KHDRBS2: variants seen among roughly 807,000 people sequenced by gnomAD.
The protein encoded by KHDRBS2 is KH RNA binding domain containing, signal transduction associated 2.
Under a neutral mutation model 44.3 loss-of-function variants are expected in KHDRBS2, and 26 were observed. The ratio of observed to expected loss-of-function variants is 0.59; its 90% CI spans 0.43 to 0.81. The LOEUF (loss-of-function observed/expected upper bound fraction) is 0.81, where lower values mean the gene tolerates loss of function less well. Ranked by LOEUF, KHDRBS2 falls within the 40% of genes least tolerant of loss-of-function variation. The pLI is 0.00. For missense variants in KHDRBS2, 476 were observed against 433.1 expected (o/e 1.10, Z -0.88); for synonymous variants, 194 against 151.1 (o/e 1.28, Z -2.08).
intron 2 of KHDRBS2, among the ~76,000 whole-genome samples, chr6:62,167,347 G>T (rs937667310): frequency 1.3e-5 from 2 of 151,876 alleles, no homozygotes; most frequent in Non-Finnish European, 2.9e-5. Flanking sequence ...ACTCAATGTG[G>T]GATGAAAACA....
intron 2 of KHDRBS2, among the ~76,000 whole-genome samples, chr6:62,076,553 G>A (rs756648171): frequency 6.6e-6 from 1 of 151,996 alleles, no homozygotes; most frequent in Non-Finnish European, 1.5e-5. Context: ...TCACTGTGAA[G>A]CCTTTTTGTC....
Position 61,836,713 on chromosome 6 carries a change from T to C in KHDRBS2, c.810+57922A>G, listed in dbSNP as rs115050148. Among the ~76,000 whole-genome samples the C allele has an allele frequency of 4.5e-3, 684 of 152,142 alleles. 4 individuals are homozygous for C. Among genetic ancestry groups the C allele is most frequent in the South Asian group, 5.4e-3 (26 of 4,830 alleles). On this transcript the variant is annotated intron_variant, in intron 6 of 8. Transcript: ENST00000281156. ...TGAAGTGTCAATTGGCTAAAAGTAATAACACCATGGCTGTACTTAGTGTTA... is the reference window on the plus strand; with the variant it reads ...TGAAGTGTCAATTGGCTAAAAGTAACAACACCATGGCTGTACTTAGTGTTA...
intron 2 of KHDRBS2, among the ~76,000 whole-genome samples, chr6:62,169,321 C>T (rs1273491513): frequency 6.6e-6 from 1 of 151,468 alleles, no homozygotes; most frequent in African/African-American, 2.4e-5. Context: ...CCTCCAGAGT[C>T]TTTTACATGA....
the KHDRBS2 span, chr6:61,574,350 G>C: frequency 6.5e-7 from 1 of 1,527,568 alleles, no homozygotes; most frequent in South Asian, 1.2e-5. Flanking sequence ...GGTTTCAGCT[G>C]TCTCTTACTT....
intron 2 of KHDRBS2, among the ~76,000 whole-genome samples, chr6:62,148,057 T>C (rs1814319025): frequency 6.6e-6 from 1 of 152,038 alleles, no homozygotes; most frequent in Non-Finnish European, 1.5e-5. Context: ...GAGATATTTT[T>C]ACGTTAACAT....
At chr6:61,733,238 G>T (rs1484771290) in intron 6 of KHDRBS2, among the ~76,000 whole-genome samples, 1 of 151,894 alleles carries the variant, frequency 6.6e-6, no homozygotes, top group Non-Finnish European at 1.5e-5. Context: ...AGTCATTACT[G>T]ATTAAATAAA....
intron 6 of KHDRBS2, among the ~76,000 whole-genome samples, chr6:61,738,098 A>G (rs1938394): frequency 0.8 from 121,539 of 151,802 alleles, 49,245 homozygotes; most frequent in African/African-American, 0.91. Context: ...TGTTTTTGCT[A>G]TTTGAAGACA....
chr6:61,557,769 T>C, the KHDRBS2 span, among the ~76,000 whole-genome samples: 4 of 152,188 alleles, frequency 2.6e-5, no homozygotes, highest in Admixed American at 1.3e-4. Context: ...TATTGGGTCC[T>C]GGGCTTTCCT....
chr6:61,942,817 CAG>C (rs1812393159), intron 4 of KHDRBS2, among the ~76,000 whole-genome samples: 1 of 151,814 alleles, frequency 6.6e-6, no homozygotes, highest in African/African-American at 2.4e-5. Context: ...ATTATAAAAA[CAG>C]AAAGATAAAA....
In KHDRBS2 at chr6:61,952,845, A is replaced by G. The variant is rs73482851; in HGVS notation, c.483+25221T>C. Among the ~76,000 whole-genome samples, 263 of 152,208 alleles carry G rather than the reference A, an allele frequency of 1.7e-3. 1 individual carries two copies. The highest frequency in any genetic ancestry group is 6.0e-3 in the African/African-American group (250 of 41,556). On this transcript the variant is annotated intron_variant, in intron 4 of 8. Coordinates refer to ENST00000281156, the MANE Select transcript of KHDRBS2 (RefSeq NM_152688.4). ...AAACAGTTTAGTATTCCTACTAATC[A>G]TTTTACCACACTTCAACTCACAACA... is the stretch of plus-strand genomic sequence containing the variant.
intron 7 of KHDRBS2, among the ~76,000 whole-genome samples, chr6:61,724,960 C>T (rs953254923): frequency 1.3e-5 from 2 of 152,088 alleles, no homozygotes; most frequent in African/African-American, 4.8e-5. Context: ...ATCAAGTGGA[C>T]CTGATAGATA....
At chr6:61,635,129 T>C in the KHDRBS2 span, among the ~76,000 whole-genome samples, 2 of 152,012 alleles carry the variant, frequency 1.3e-5, no homozygotes, top group Non-Finnish European at 2.9e-5. Context: ...TGCATCAGCA[T>C]TTTTCAAAAA....
the KHDRBS2 span, among the ~76,000 whole-genome samples, chr6:61,647,826 T>C: frequency 6.6e-6 from 1 of 152,164 alleles, no homozygotes; most frequent in Non-Finnish European, 1.5e-5. Flanking sequence ...ACTTATTAAC[T>C]CTTATTCTAC....
At chr6:62,187,727 C>T (rs767755223) in intron 1 of KHDRBS2, among the ~76,000 whole-genome samples, 50 of 151,912 alleles carry the variant, frequency 3.3e-4, no homozygotes, top group Non-Finnish European at 1.3e-4. Flanking sequence ...ACGTTGTTTG[C>T]TCTTTGTGTT....
rs550877577 is a variant in KHDRBS2 at position 61,951,951 on chromosome 6, A to T, written c.483+26115T>A. 2.0e-5 allele frequency among the ~76,000 whole-genome samples: 3 copies of T among 151,516 alleles called. No homozygotes were observed. In the South Asian group the frequency reaches 6.2e-4, roughly 32 times the overall value. The stretch of plus-strand genomic sequence containing the variant: ...AAACATTATCTGTACAATCAAAGAA[A>T]GCCACTCCTTAGACCAAGAGCTAAA... On this transcript the variant is annotated intron_variant, in intron 4 of 8. Transcript: ENST00000281156.
At chr6:62,131,581 A>G (rs1337090756) in intron 2 of KHDRBS2, among the ~76,000 whole-genome samples, 1 of 152,174 alleles carries the variant, frequency 6.6e-6, no homozygotes, top group Non-Finnish European at 1.5e-5. Flanking sequence ...TGAAACATAG[A>G]CATTCTAAGG....
intron 2 of KHDRBS2, among the ~76,000 whole-genome samples, chr6:62,106,828 C>A (rs1034808501): frequency 3.9e-5 from 6 of 151,928 alleles, no homozygotes; most frequent in Non-Finnish European, 7.4e-5. Context: ...ATAAACAGAA[C>A]CAAAGACAAA....
chr6:61,761,646 T>C (rs575750610), intron 6 of KHDRBS2, among the ~76,000 whole-genome samples: 78 of 152,288 alleles, frequency 5.1e-4, no homozygotes, highest in African/African-American at 1.8e-3. Flanking sequence ...TATATACATA[T>C]GTACTAAATG....
At chr6:61,566,425 G>A in the KHDRBS2 span, among the ~76,000 whole-genome samples, 2 of 152,128 alleles carry the variant, frequency 1.3e-5, no homozygotes, top group Non-Finnish European at 2.9e-5. Context: ...AATGATTAAT[G>A]TTTAAAGTAT....
Sources: allele counts gnomAD v4.1 joint callset (sites outside exome capture counted in the v4.1 genomes callset), GRCh38; gene constraint gnomAD v4.1.1; transcripts MANE v1.5; gene names NCBI Gene and HGNC (gene_info 2026-07-23, HGNC 2026-07-21).